Variants in ACYP2 observed in about 807,000 individuals in gnomAD.
ACYP2 encodes the protein acylphosphatase-2.
Under a neutral mutation model 11.2 loss-of-function variants are expected in ACYP2, and 12 were observed. That is an observed-to-expected ratio of 1.08 (90% CI 0.69 to 1.74). The LOEUF is 1.74. Ranked by LOEUF, ACYP2 falls within the 40% of genes most tolerant of loss-of-function variation. ACYP2 has a pLI of 0.00. For synonymous variants in ACYP2, 43 were observed against 32.2 expected, an observed-to-expected ratio of 1.33 and a Z score of -1.13; for missense variants, 134 against 101.9, an observed-to-expected ratio of 1.31 and a Z score of -1.35.
chr2:54,007,598 G>A (rs1673145640), intron 2 of ACYP2, among the ~76,000 whole-genome samples: 1 of 152,162 alleles, frequency 6.6e-6, no homozygotes, highest in South Asian at 2.1e-4. Context: ...GGATGTGGTG[G>A]CTCACACCTG....
intron 6 of ACYP2, among the ~76,000 whole-genome samples, chr2:54,250,037 A>C (rs1013508759): frequency 6.6e-6 from 1 of 151,508 alleles, no homozygotes; most frequent in Non-Finnish European, 1.5e-5. Context: ...CAGAGCCCCC[A>C]ACCCCTGACA....
At chr2:54,227,538 G>T (rs1474951795) in intron 6 of ACYP2, among the ~76,000 whole-genome samples, 4 of 151,984 alleles carry the variant, frequency 2.6e-5, no homozygotes, top group Admixed American at 2.6e-4. Context: ...TACTTGGGAG[G>T]CTGAGGCAGA....
chr2:54,134,076 G>A (rs1572832729), intron 4 of ACYP2, among the ~76,000 whole-genome samples: 1 of 152,268 alleles, frequency 6.6e-6, no homozygotes, highest in South Asian at 2.1e-4. Context: ...TTAACATAAT[G>A]TAATCTACAC....
intron 4 of ACYP2, among the ~76,000 whole-genome samples, chr2:54,134,795 T>C (rs2103774252): frequency 6.6e-6 from 1 of 152,382 alleles, no homozygotes; most frequent in South Asian, 2.1e-4. Context: ...CCCCAGTGTA[T>C]GCCTGAAACT....
intron 6 of ACYP2, among the ~76,000 whole-genome samples, chr2:54,214,427 G>A (rs1558618491): frequency 6.6e-6 from 1 of 152,178 alleles, no homozygotes; most frequent in East Asian, 1.9e-4. Flanking sequence ...TATGGTGAAA[G>A]GAAGGAGTCC....
intron 6 of ACYP2, among the ~76,000 whole-genome samples, chr2:54,181,476 C>G (rs1683723017): frequency 6.6e-6 from 1 of 152,156 alleles, no homozygotes; most frequent in South Asian, 2.1e-4. Flanking sequence ...ATAATCCCTA[C>G]TACTTATAGT....
At chr2:54,244,665 A>G (rs1009411606) in intron 6 of ACYP2, among the ~76,000 whole-genome samples, 7 of 152,200 alleles carry the variant, frequency 4.6e-5, no homozygotes, top group African/African-American at 9.7e-5. Flanking sequence ...ATTATTTTAT[A>G]ATAAATGCTA....
chr2:54,014,842 C>G (rs527842544), intron 2 of ACYP2, among the ~76,000 whole-genome samples: 31 of 152,122 alleles, frequency 2.0e-4, no homozygotes, highest in African/African-American at 7.2e-4. Flanking sequence ...TTACAGCAAT[C>G]TCGGACTCTT....
At chr2:54,154,139 T>C (rs1682328373) in intron 6 of ACYP2, among the ~76,000 whole-genome samples, 1 of 152,150 alleles carries the variant, frequency 6.6e-6, no homozygotes, top group Admixed American at 6.5e-5. Context: ...ATGCTACTGA[T>C]TTTTGCGTGT....
chr2:53,994,892 T>A (rs1672494622), intron 2 of ACYP2, among the ~76,000 whole-genome samples: 1 of 152,272 alleles, frequency 6.6e-6, no homozygotes, highest in Middle Eastern at 3.4e-3. Context: ...GTGGTTATGT[T>A]GGGCTGATAG....
rs544795695 is a variant in ACYP2 at position 54,015,394 on chromosome 2, G to A, written c.63-35564G>A. On this transcript the variant is annotated intron_variant, in intron 2 of 6. Transcript: ENST00000607452. ...GTGGTGGTGCATGCCTGTAATCCCA[G>A]CTACGTGGGAGGCTGAGGCAGGAGA... Among the ~76,000 whole-genome samples the A allele has an allele frequency of 2.6e-5, 4 of 152,142 alleles. No individual in the cohort carries two copies. In the South Asian group the frequency reaches 6.2e-4, roughly 24 times the overall value.
intron 2 of ACYP2, among the ~76,000 whole-genome samples, chr2:53,989,250 A>T (rs1338157160): frequency 6.6e-6 from 1 of 151,636 alleles, no homozygotes; most frequent in Non-Finnish European, 1.5e-5. Flanking sequence ...ATCTTTCAAT[A>T]ACAAAAAGTC....
intron 6 of ACYP2, among the ~76,000 whole-genome samples, chr2:54,279,984 C>G (rs1649219402): frequency 6.6e-6 from 1 of 152,164 alleles, no homozygotes; most frequent in South Asian, 2.1e-4. Flanking sequence ...TAAACTTCAA[C>G]TACAGGGAAG....
chr2:53,997,399 G>A (rs1386909694), intron 2 of ACYP2, among the ~76,000 whole-genome samples: 1 of 152,012 alleles, frequency 6.6e-6, no homozygotes. Context: ...TCTGCCTTCC[G>A]GCTTCAAGTG....
At position 54,051,710 on chromosome 2, in the gene ACYP2, C is replaced by T. The variant is rs1315788292; in HGVS notation, c.155+660C>T. 6 of 599,208 alleles carry T rather than the reference C, an allele frequency of 1.0e-5. No individual in the cohort carries two copies. The East Asian group carries it at 1.0e-4, about 10-fold the overall frequency. The allele number at this position is 599,208 out of a possible 1,614,324, so 37.1% of individuals were successfully genotyped here. On this transcript the variant is annotated intron_variant, in intron 3 of 6. Coordinates refer to ENST00000607452, the MANE Select transcript of ACYP2 (RefSeq NM_001320586.2). ...TATTGAGCTAAAGGAAAGCCTGATG[C>T]AGCAAAAAAAGGAATCATCAAGGCT...
chr2:54,085,398 T>C (rs1458428606), intron 4 of ACYP2, among the ~76,000 whole-genome samples: 1 of 152,210 alleles, frequency 6.6e-6, no homozygotes, highest in Non-Finnish European at 1.5e-5. Context: ...TGGCCACCTG[T>C]GACATTAAAC....
chr2:53,989,187 G>T (rs1672165786), intron 2 of ACYP2, among the ~76,000 whole-genome samples: 2 of 151,838 alleles, frequency 1.3e-5, no homozygotes, highest in Non-Finnish European at 2.9e-5. Context: ...GTGCCTGCTG[G>T]CACCATCGAC....
intron 4 of ACYP2, among the ~76,000 whole-genome samples, chr2:54,117,727 G>A (rs1679895762): frequency 6.6e-6 from 1 of 152,162 alleles, no homozygotes; most frequent in Admixed American, 6.5e-5. Context: ...TTAAGAATGG[G>A]TAAAAGTGTG....
At chr2:54,120,192 C>G (rs1249208344) in intron 4 of ACYP2, among the ~76,000 whole-genome samples, 1 of 152,064 alleles carries the variant, frequency 6.6e-6, no homozygotes, top group Non-Finnish European at 1.5e-5. Flanking sequence ...TCATCCTGTA[C>G]TTTAAAAAAT....
Sources: gnomAD v4.1 joint callset for allele counts (sites outside exome capture counted in the v4.1 genomes callset) on GRCh38, gnomAD v4.1.1 for gene constraint, MANE v1.5 for transcripts, NCBI Gene and HGNC (gene_info 2026-07-23, HGNC 2026-07-21) for gene names.